Variants in LPP observed in about 807,000 individuals in gnomAD.
LPP encodes the protein lipoma-preferred partner.
In LPP, 38 loss-of-function variants were observed where a neutral mutation model predicts 60.4. The ratio of observed to expected loss-of-function variants is 0.63; its 90% confidence interval spans 0.49 to 0.83. The LOEUF is 0.83. LPP is among the 40% of genes least tolerant of loss of function. The probability of loss-of-function intolerance (pLI) is 0.00; values close to 1 mark genes in which losing one functional copy is unlikely to be tolerated. For missense variants in LPP, 902 were observed against 783.6 expected, an observed-to-expected ratio of 1.15 and a Z score of -1.80; for synonymous variants, 328 against 290.8, an observed-to-expected ratio of 1.13 and a Z score of -1.30.
intron 2 of LPP, among the ~76,000 whole-genome samples, chr3:188,274,431 C>T (rs945554483): frequency 6.6e-6 from 1 of 152,208 alleles, no homozygotes; most frequent in African/African-American, 2.4e-5. Context: ...CTTTCTGCTA[C>T]AGCTCCCAGC....
At chr3:188,544,079 T>G (rs1429394557) in intron 6 of LPP, among the ~76,000 whole-genome samples, 2 of 152,210 alleles carry the variant, frequency 1.3e-5, no homozygotes, top group Non-Finnish European at 2.9e-5. Context: ...TATACCTGAA[T>G]GTGGTTTAGG....
At chr3:188,783,729 A>G (rs1411708639) in intron 9 of LPP, among the ~76,000 whole-genome samples, 3 of 152,108 alleles carry the variant, frequency 2.0e-5, no homozygotes, top group Non-Finnish European at 4.4e-5. Context: ...AAAAAAAGAA[A>G]AAAAAATCCT....
intron 7 of LPP, among the ~76,000 whole-genome samples, chr3:188,684,351 A>T (rs910122569): frequency 7.9e-5 from 12 of 152,214 alleles, no homozygotes; most frequent in Non-Finnish European, 1.5e-4. Flanking sequence ...TTGGGGATAA[A>T]AAACTGGCAG....
intron 9 of LPP, among the ~76,000 whole-genome samples, chr3:188,820,808 C>T (rs1425333642): frequency 6.6e-6 from 1 of 152,100 alleles, no homozygotes; most frequent in Non-Finnish European, 1.5e-5. Context: ...GAGTTCACCA[C>T]CGAAATGTTT....
At chr3:188,300,421 A>G (rs1749407709) in intron 2 of LPP, among the ~76,000 whole-genome samples, 1 of 149,194 alleles carries the variant, frequency 6.7e-6, no homozygotes, top group African/African-American at 2.5e-5. Context: ...CAAGAAAGGA[A>G]CTTACTTTAA....
At chr3:188,237,509 A>G (rs931152480) in intron 2 of LPP, among the ~76,000 whole-genome samples, 9 of 152,240 alleles carry the variant, frequency 5.9e-5, no homozygotes, top group Admixed American at 4.6e-4. Context: ...ATTTTTTTAA[A>G]TAATCAGACT....
Position 188,196,188 on chromosome 3 carries a change from C to T in LPP, c.-189-29217C>T, listed in dbSNP as rs577676568. Among the ~76,000 whole-genome samples, 14 of 152,264 alleles carry T rather than the reference C, an allele frequency of 9.2e-5. No individual in the cohort carries two copies. The South Asian group carries it at 2.9e-3, about 32-fold the overall frequency. ...GCAGGCTCTTGCTCTCTCTTGTATC[C>T]CATAAATACAAGCATTGCAGAGCTT... On this transcript the variant is annotated intron_variant, in intron 1 of 11. Transcript: ENST00000617246.
chr3:188,836,706 G>A (rs970484841), intron 9 of LPP, among the ~76,000 whole-genome samples: 3 of 152,172 alleles, frequency 2.0e-5, no homozygotes, highest in South Asian at 4.1e-4. Context: ...CTCCATAAGT[G>A]TTTTGTGTTC....
Position 188,888,047 on chromosome 3 carries a change from T to A in LPP, c.*13568T>A, listed in dbSNP as rs1414942034. 1 of 217,128 alleles carries A rather than the reference T, an allele frequency of 4.6e-6. No individual in the cohort carries two copies. Among genetic ancestry groups the A allele is most frequent in the Non-Finnish European group, 9.3e-6 (1 of 107,914 alleles). 13.5% of individuals were successfully genotyped at this position (217,128 alleles called of 1,614,324 possible). A position where few individuals can be genotyped will look rare whatever the true frequency, so the allele number is the denominator to read the frequency against. ...AAATTATCATGTGGCTTAATGTGCCTTAAGTGAAAATTTAAACTTAGACCT... is the reference window on the plus strand; with the variant it reads ...AAATTATCATGTGGCTTAATGTGCCATAAGTGAAAATTTAAACTTAGACCT... On this transcript the variant is annotated 3_prime_UTR_variant, in exon 12 of 12. Coordinates refer to ENST00000617246, the MANE Select transcript of LPP (RefSeq NM_001375462.1).
At chr3:188,514,336 C>A (rs1371075098) in intron 5 of LPP, among the ~76,000 whole-genome samples, 1 of 152,100 alleles carries the variant, frequency 6.6e-6, no homozygotes, top group Non-Finnish European at 1.5e-5. Flanking sequence ...AGACTTCCTA[C>A]CTCCTGTTGT....
intron 9 of LPP, among the ~76,000 whole-genome samples, chr3:188,790,109 C>T (rs6803183): frequency 0.052 from 7,954 of 152,056 alleles, 272 homozygotes; most frequent in Non-Finnish European, 0.07. Context: ...TCAGAATACA[C>T]ATTGCAACAT....
chr3:188,316,583 C>G (rs549288816), intron 2 of LPP, among the ~76,000 whole-genome samples: 5 of 152,250 alleles, frequency 3.3e-5, no homozygotes, highest in Admixed American at 3.3e-4. Context: ...CACAGAAGCC[C>G]AAGTCCAGGA....
intron 2 of LPP, among the ~76,000 whole-genome samples, chr3:188,265,753 G>A (rs116152561): frequency 0.017 from 2,605 of 152,198 alleles, 37 homozygotes; most frequent in Non-Finnish European, 0.018. Flanking sequence ...TGAGATATCT[G>A]TATCCAATCA....
At chr3:188,583,420 T>C (rs539846136) in intron 6 of LPP, among the ~76,000 whole-genome samples, 4 of 152,184 alleles carry the variant, frequency 2.6e-5, no homozygotes, top group Non-Finnish European at 5.9e-5. Context: ...TTTATTGCCT[T>C]GTCTCAACAT....
intron 8 of LPP, among the ~76,000 whole-genome samples, chr3:188,737,964 G>C (rs1723098730): frequency 6.6e-6 from 1 of 152,084 alleles, no homozygotes; most frequent in Non-Finnish European, 1.5e-5. Flanking sequence ...GCTATCATAT[G>C]CTTTCTGCAT....
At chr3:188,804,003 G>A (rs1360245549) in intron 9 of LPP, among the ~76,000 whole-genome samples, 1 of 151,224 alleles carries the variant, frequency 6.6e-6, no homozygotes, top group African/African-American at 2.4e-5. Context: ...TTCAGCGTAG[G>A]AATATTGTAC....
intron 8 of LPP, among the ~76,000 whole-genome samples, chr3:188,718,316 G>C (rs1219881473): frequency 6.6e-6 from 1 of 152,150 alleles, no homozygotes; most frequent in Non-Finnish European, 1.5e-5. Flanking sequence ...GACAGTCTCC[G>C]ATGGCATGAA....
At chr3:188,234,613 T>C (rs1721233774) in intron 2 of LPP, among the ~76,000 whole-genome samples, 1 of 152,154 alleles carries the variant, frequency 6.6e-6, no homozygotes, top group Non-Finnish European at 1.5e-5. Context: ...GACACAGAGA[T>C]GGTTAAAAGC....
intron 6 of LPP, among the ~76,000 whole-genome samples, chr3:188,554,363 C>A (rs1162118121): frequency 6.6e-6 from 1 of 152,098 alleles, no homozygotes; most frequent in African/African-American, 2.4e-5. Flanking sequence ...ATAGAGCTGA[C>A]AACAGCAAGA....
Sources: gnomAD v4.1 joint callset for allele counts (sites outside exome capture counted in the v4.1 genomes callset) on GRCh38, gnomAD v4.1.1 for gene constraint, MANE v1.5 for transcripts, NCBI Gene and HGNC (gene_info 2026-07-23, HGNC 2026-07-21) for gene names.